ZHX2: variants seen among roughly 807,000 people sequenced by gnomAD.
ZHX2 encodes the protein zinc fingers and homeoboxes protein 2.
A neutral mutation model predicts 21.9 loss-of-function variants in ZHX2; 6 were observed. That is an observed-to-expected ratio of 0.27 (90% confidence interval 0.15 to 0.54). The LOEUF (loss-of-function observed/expected upper bound fraction) is 0.54, where lower values mean the gene tolerates loss of function less well. Ranked by LOEUF, ZHX2 falls within the 20% of genes least tolerant of loss-of-function variation. The pLI is 0.95. For missense variants in ZHX2, 908 were observed against 1,090.7 expected (o/e 0.83, Z 2.36); for synonymous variants, 434 against 437.1 (o/e 0.99, Z 0.09).
chr8:122,952,520 C>T lies in ZHX2; in HGVS notation c.1010C>T (p.Thr337Ile), dbSNP rs1246403381. 2 of 1,614,184 alleles carry T rather than the reference C, an allele frequency of 1.2e-6. No individual in the cohort carries two copies. Among genetic ancestry groups the T allele is most frequent in the Admixed American group, 3.3e-5 (2 of 60,028 alleles). Residue 337 changes from threonine to isoleucine, a missense_variant, in exon 3 of 4, where the codon ACC (threonine) becomes ATC (isoleucine). By Grantham distance (89) the Thr-to-Ile change is moderately conservative. Around this residue, in one of 4 missense-constraint regions of ZHX2, gnomAD observed 232 missense variants for 361.8 expected, o/e 0.64. Coordinates refer to ENST00000314393, the MANE Select transcript of ZHX2 (RefSeq NM_014943.5). This position sits in a 1 kb window ranked among gnomAD's most constrained non-coding sequence, Gnocchi z 6.9. ...GCCCGGAAGAAGATGTTCAACGGCA[C>T]CATCCAGTCAGTACCCCCGACCATC... ...EEARKKMFNG[T>I]IQSVPPTITV...
chr8:122,882,630 C>T (rs117788480), intron 2 of ZHX2, among the ~76,000 whole-genome samples: 373 of 152,218 alleles, frequency 2.5e-3, no homozygotes, highest in Non-Finnish European at 4.1e-3. Flanking sequence ...CTGCTCACTC[C>T]CAGCCTTGCT....
intron 1 of ZHX2, among the ~76,000 whole-genome samples, chr8:122,819,969 C>T (rs1818107233): frequency 6.6e-6 from 1 of 152,022 alleles, no homozygotes; most frequent in Non-Finnish European, 1.5e-5. Flanking sequence ...CTCCCATCTG[C>T]CTAGCTAAAG....
rs769744425 is a variant in ZHX2, at chr8:122,915,769, T to C, written c.-219-35523T>C. ...TCTTTGCTCATTTCTGGTGGAGTCT[T>C]ATTTTGTGATGGCAATGGGAAAGGA... On this transcript the variant is annotated intron_variant, in intron 2 of 3. Transcript: ENST00000314393. Among the ~76,000 whole-genome samples, 4 of 152,222 alleles carry C rather than the reference T, an allele frequency of 2.6e-5. No individual in the cohort carries two copies. In the South Asian group the frequency reaches 8.3e-4, roughly 32 times the overall value.
At chr8:122,958,860 C>A (rs1205175612) in intron 3 of ZHX2, among the ~76,000 whole-genome samples, 1 of 152,230 alleles carries the variant, frequency 6.6e-6, no homozygotes, top group Non-Finnish European at 1.5e-5. Context: ...AGGCCCTGTG[C>A]TAGTCTGTGT....
At chr8:122,955,353 A>G (rs1813273104) in intron 3 of ZHX2, among the ~76,000 whole-genome samples, 2 of 152,164 alleles carry the variant, frequency 1.3e-5, no homozygotes, top group Non-Finnish European at 2.9e-5. Context: ...CTCCCAAGTT[A>G]TCTTTACAAA....
At chr8:122,894,790 G>C (rs965598097) in intron 2 of ZHX2, among the ~76,000 whole-genome samples, 4 of 151,968 alleles carry the variant, frequency 2.6e-5, no homozygotes, top group African/African-American at 9.7e-5. Context: ...AAAACTTAAA[G>C]TACAATAAAA....
chr8:122,875,943 A>G (rs551246056), intron 2 of ZHX2, among the ~76,000 whole-genome samples: 4 of 152,320 alleles, frequency 2.6e-5, no homozygotes, highest in Non-Finnish European at 5.9e-5. Flanking sequence ...GGCAACTGAA[A>G]AATAGAAGAG....
At chr8:122,811,244 G>A (rs1285174419) in intron 1 of ZHX2, among the ~76,000 whole-genome samples, 1 of 152,058 alleles carries the variant, frequency 6.6e-6, no homozygotes, top group African/African-American at 2.4e-5. Context: ...GCTGGGCGTA[G>A]TGGCACATGG....
intron 1 of ZHX2, among the ~76,000 whole-genome samples, chr8:122,836,165 C>A (rs945139674): frequency 6.6e-6 from 1 of 152,152 alleles, no homozygotes; most frequent in Non-Finnish European, 1.5e-5. Context: ...AGAGGCACCC[C>A]CCTAAGGCCA....
intron 3 of ZHX2, among the ~76,000 whole-genome samples, chr8:122,968,448 T>C (rs1333020197): frequency 2.0e-5 from 3 of 152,170 alleles, no homozygotes; most frequent in Non-Finnish European, 2.9e-5. Flanking sequence ...TTGCTTAATC[T>C]TCCTCCAGTC....
chr8:122,963,287 T>G (rs1004646704), intron 3 of ZHX2, among the ~76,000 whole-genome samples: 1 of 152,188 alleles, frequency 6.6e-6, no homozygotes, highest in African/African-American at 2.4e-5. Flanking sequence ...TCATCTTGAG[T>G]TGATTTTTGT....
intron 3 of ZHX2, among the ~76,000 whole-genome samples, chr8:122,959,382 T>TTGAA (rs142115173): frequency 0.13 from 19,533 of 151,516 alleles, 1,273 homozygotes; most frequent in Middle Eastern, 0.23. Context: ...ATGCAGATAT[T>TTGAA]TGAATGAATG....
intron 2 of ZHX2, among the ~76,000 whole-genome samples, chr8:122,891,410 A>G (rs1819976674): frequency 1.3e-5 from 2 of 148,780 alleles, no homozygotes; most frequent in Admixed American, 1.3e-4. Context: ...TTGTTTTCTA[A>G]TCTCTGTTTT....
At chr8:122,804,915 C>T (rs1413619110) in intron 1 of ZHX2, among the ~76,000 whole-genome samples, 1 of 152,202 alleles carries the variant, frequency 6.6e-6, no homozygotes, top group Non-Finnish European at 1.5e-5. Flanking sequence ...CTTGTGCACA[C>T]AGCGGCCACT....
intron 3 of ZHX2, among the ~76,000 whole-genome samples, chr8:122,961,905 T>C (rs188031096): frequency 3.3e-5 from 5 of 152,294 alleles, no homozygotes; most frequent in African/African-American, 1.2e-4. Context: ...CTTACTGCTC[T>C]CTATATGGAG....
intron 1 of ZHX2, among the ~76,000 whole-genome samples, chr8:122,862,827 T>C (rs527541053): frequency 1.8e-4 from 28 of 152,326 alleles, no homozygotes; most frequent in African/African-American, 6.5e-4. Flanking sequence ...GGCTGCTCCG[T>C]GCACATGTGC....
At chr8:122,801,867 T>C (rs1415022337) in intron 1 of ZHX2, among the ~76,000 whole-genome samples, 2 of 152,172 alleles carry the variant, frequency 1.3e-5, no homozygotes, top group Admixed American at 6.5e-5. Context: ...TCTGTTTGGA[T>C]GCGTTGACTT....
chr8:122,837,015 G>T (rs1177936424), intron 1 of ZHX2, among the ~76,000 whole-genome samples: 1 of 152,070 alleles, frequency 6.6e-6, no homozygotes, highest in Non-Finnish European at 1.5e-5. Flanking sequence ...TCAAGATTTT[G>T]ACCAGAGTGA....
At chr8:122,793,361 C>A in intron 1 of ZHX2, among the ~76,000 whole-genome samples, 1 of 152,192 alleles carries the variant, frequency 6.6e-6, no homozygotes, top group Non-Finnish European at 1.5e-5. Context: ...CTGACCTGGG[C>A]ATCATAAGTC....
Sources: gnomAD v4.1 joint callset for allele counts (sites outside exome capture counted in the v4.1 genomes callset) on GRCh38, gnomAD v4.1.1 for gene constraint, gnomAD v4.1.1 regional missense constraint, Gnocchi (gnomAD v3.1) non-coding constraint, MANE v1.5 for transcripts, NCBI Gene and HGNC (gene_info 2026-07-23, HGNC 2026-07-21) for gene names.